HIPK3: variants seen among roughly 807,000 people sequenced by gnomAD.
HIPK3 encodes homeodomain interacting protein kinase 3, also known as homeodomain-interacting protein kinase 3.
Under a neutral mutation model 124.2 loss-of-function variants are expected in HIPK3, and 47 were observed. That is an observed-to-expected ratio of 0.38 (90% confidence interval 0.30 to 0.48). HIPK3 has a LOEUF of 0.48. Among genes scored for constraint, HIPK3 ranks in the 20% least tolerant of loss-of-function variants. HIPK3 has a pLI of 0.98. For synonymous variants in HIPK3, 482 were observed against 515.2 expected (o/e 0.94, Z 0.87); for missense variants, 1,286 against 1,454.3 (o/e 0.88, Z 1.88).
chr11:33,345,486 C>A (rs1853465075), intron 8 of HIPK3, among the ~76,000 whole-genome samples: 1 of 152,106 alleles, frequency 6.6e-6, no homozygotes, highest in Admixed American at 6.6e-5. Context: ...AATTAGATCT[C>A]CTGTGGAGAG....
At chr11:33,297,096 T>A (rs1286720399) in intron 2 of HIPK3, among the ~76,000 whole-genome samples, 1 of 150,726 alleles carries the variant, frequency 6.6e-6, no homozygotes, top group African/African-American at 2.4e-5. Context: ...AAAAGATTTT[T>A]TTTTTTTTTT....
intron 3 of HIPK3, among the ~76,000 whole-genome samples, chr11:33,335,198 A>G (rs941691546): frequency 2.6e-5 from 4 of 152,168 alleles, no homozygotes; most frequent in Non-Finnish European, 5.9e-5. Context: ...GAAAGTTTCA[A>G]TAAGCGGTTG....
In HIPK3 at chr11:33,347,592, C is replaced by A. The variant is rs1348661845; in HGVS notation, c.2020-37C>A. On this transcript the variant is annotated intron_variant, in intron 9 of 16. Transcript: ENST00000303296. ...TATGGTAAAGTTCAATTACTTATAA[C>A]TTGTTATTTTCTATTGTTTTGCTTT... The A allele has an allele frequency of 3.1e-6, 5 of 1,602,444 alleles. No homozygotes were observed. The South Asian group carries it at 4.5e-5, about 14-fold the overall frequency.
chr11:33,319,247 A>T (rs1157357526), intron 2 of HIPK3, among the ~76,000 whole-genome samples: 1 of 152,252 alleles, frequency 6.6e-6, no homozygotes, highest in Non-Finnish European at 1.5e-5. Flanking sequence ...CTGTAATCCC[A>T]GCACTTCGGG....
Position 33,340,991 on chromosome 11 carries a change from T to C in HIPK3, c.1637T>C (p.Met546Thr), listed in dbSNP as rs762874390. The C allele has an allele frequency of 4.6e-5, 74 of 1,598,006 alleles. No individual in the cohort carries two copies. The highest frequency in any genetic ancestry group is 6.2e-5 in the Non-Finnish European group (72 of 1,167,314). ...AGTGTAAAGTCCTGTTTTCATATTA[T>C]GGATATTTGTAAGTCCCACCTAAAT... ...SNHVKSCFHI[M>T]DICKSHLNSC... The change falls in exon 7 of 17, where the codon ATG becomes ACG. Residue 546 changes from methionine (M) to threonine (T), a missense_variant. Physicochemically the swap from Met to Thr is moderately conservative, Grantham distance 81. This residue lies in a region of HIPK3 where 810 missense variants were observed against 864.9 expected (regional missense o/e 0.94). Transcript: ENST00000303296.
At chr11:33,283,300 C>T (rs751315662) in intron 1 of HIPK3, among the ~76,000 whole-genome samples, 10 of 152,004 alleles carry the variant, frequency 6.6e-5, no homozygotes, top group African/African-American at 2.2e-4. Context: ...TTAGTGGAGA[C>T]GGGGTTTCAC....
intron 2 of HIPK3, among the ~76,000 whole-genome samples, chr11:33,311,573 C>T (rs1165342521): frequency 1.3e-5 from 2 of 151,908 alleles, no homozygotes; most frequent in African/African-American, 4.8e-5. Context: ...CTGTATACCC[C>T]CTGCCTCTGT....
At chr11:33,319,888 TAAAGG>T (rs1852615132) in intron 2 of HIPK3, among the ~76,000 whole-genome samples, 1 of 152,148 alleles carries the variant, frequency 6.6e-6, no homozygotes, top group African/African-American at 2.4e-5. Context: ...TCAAGCAAGA[TAAAGG>T]AAGAAAGGCA....
chr11:33,286,091 G>A (rs1338197440), intron 1 of HIPK3, among the ~76,000 whole-genome samples: 1 of 152,066 alleles, frequency 6.6e-6, no homozygotes, highest in Non-Finnish European at 1.5e-5. Context: ...TGTTGGCACC[G>A]TTTCTAGGGC....
intron 2 of HIPK3, among the ~76,000 whole-genome samples, chr11:33,317,448 G>A (rs1004532969): frequency 2.0e-5 from 3 of 151,762 alleles, no homozygotes; most frequent in Non-Finnish European, 4.4e-5. Flanking sequence ...AAATTGTTTT[G>A]TAGAGACGGA....
intron 2 of HIPK3, among the ~76,000 whole-genome samples, chr11:33,321,848 C>T (rs574412723): frequency 2.0e-4 from 31 of 152,192 alleles, no homozygotes; most frequent in African/African-American, 5.8e-4. Context: ...GTAAATTACT[C>T]GCTATTAGGG....
rs536884897 is a variant in HIPK3, at chr11:33,287,035, G to A, written c.621G>A (p.Thr207=). The change falls in exon 2 of 17, where the codon ACG becomes ACA. Residue 207 remains threonine (T), a synonymous_variant. Transcript: ENST00000303296. The part of the protein sequence containing the change: ...YEVLDFLGRG[T]FGQVVKCWKR... ...TCCTTGATTTTCTTGGTCGAGGCACGTTTGGCCAGGTAGTTAAATGCTGGA... is the reference window on the plus strand; with the variant it reads ...TCCTTGATTTTCTTGGTCGAGGCACATTTGGCCAGGTAGTTAAATGCTGGA... 1.7e-5 allele frequency: 28 copies of A among 1,614,184 alleles called. No individual in the cohort carries two copies. In the East Asian group the frequency reaches 5.1e-4, roughly 30 times the overall value.
chr11:33,257,170 C>T (rs1012303217), upstream of HIPK3, among the ~76,000 whole-genome samples: 1 of 151,966 alleles, frequency 6.6e-6, no homozygotes, highest in Non-Finnish European at 1.5e-5. Context: ...GGGTTGGGGC[C>T]GCACGGGCTG....
intron 1 of HIPK3, among the ~76,000 whole-genome samples, chr11:33,277,432 T>C (rs1199873299): frequency 1.3e-5 from 2 of 152,190 alleles, no homozygotes; most frequent in African/African-American, 4.8e-5. Flanking sequence ...ATCTTTGAAA[T>C]TGGGATGCAT....
At position 33,341,157 on chromosome 11, in the gene HIPK3, GGTCT is replaced by G. The variant is rs1474014635; in HGVS notation, c.1773+31_1773+34del. 10 of 1,482,464 alleles carry G rather than the reference GGTCT, an allele frequency of 6.7e-6. No homozygotes were observed. In the Admixed American group the frequency reaches 2.3e-4, roughly 34 times the overall value. The allele number at this position is 1,482,464 out of a possible 1,614,324, so 91.8% of individuals were successfully genotyped here. On this transcript the variant is annotated intron_variant, in intron 7 of 16. Coordinates refer to ENST00000303296, the MANE Select transcript of HIPK3 (RefSeq NM_005734.5). The stretch of plus-strand genomic sequence containing the variant: ...GAATGTGTAGTAATTAATAACTTAG[GGTCT>G]TTTTTTAATGATTGCGCATTTTACT...
At chr11:33,262,232 G>A (rs1270918777) in intron 1 of HIPK3, among the ~76,000 whole-genome samples, 1 of 152,226 alleles carries the variant, frequency 6.6e-6, no homozygotes, top group Non-Finnish European at 1.5e-5. Context: ...TTGGTATGTA[G>A]TTAAGAGTGG....
At chr11:33,306,091 G>A (rs1272252300) in intron 2 of HIPK3, among the ~76,000 whole-genome samples, 5 of 152,172 alleles carry the variant, frequency 3.3e-5, no homozygotes, top group Admixed American at 6.6e-5. Flanking sequence ...TAGACATTTC[G>A]TCTAACTTAA....
At chr11:33,296,887 C>T (rs1231819034) in intron 2 of HIPK3, among the ~76,000 whole-genome samples, 2 of 152,146 alleles carry the variant, frequency 1.3e-5, no homozygotes, top group Non-Finnish European at 2.9e-5. Flanking sequence ...TCTCATGTCT[C>T]TTGCTTTAAA....
intron 3 of HIPK3, among the ~76,000 whole-genome samples, chr11:33,329,212 C>G (rs557399040): frequency 6.6e-6 from 1 of 152,264 alleles, no homozygotes; most frequent in South Asian, 2.1e-4. Flanking sequence ...TACTATTAAA[C>G]AGTGTTGTGT....
Sources: gnomAD v4.1 joint callset for allele counts (sites outside exome capture counted in the v4.1 genomes callset) on GRCh38, gnomAD v4.1.1 for gene constraint, gnomAD v4.1.1 regional missense constraint, MANE v1.5 for transcripts, NCBI Gene and HGNC (gene_info 2026-07-23, HGNC 2026-07-21) for gene names.